DOCK8: variants seen among roughly 807,000 people sequenced by gnomAD.
DOCK8 encodes the protein dedicator of cytokinesis 8, also known as dedicator of cytokinesis protein 8.
In DOCK8, 141 loss-of-function variants were observed where a neutral mutation model predicts 245.6. The observed-to-expected ratio is 0.57, with a 90% confidence interval of 0.50 to 0.66. The LOEUF (loss-of-function observed/expected upper bound fraction) is 0.66. DOCK8 is among the 30% of genes least tolerant of loss of function. The probability of loss-of-function intolerance (pLI) is 0.00; values close to 1 mark genes in which losing one functional copy is unlikely to be tolerated. For missense variants in DOCK8, 2,965 were observed against 2,603.4 expected (o/e 1.14, Z -3.02); for synonymous variants, 1,168 against 970.2 (o/e 1.20, Z -3.79).
Position 465,150 on chromosome 9 carries a change from T to C in DOCK8, c.*931T>C, listed in dbSNP as rs1301348224. The C allele has an allele frequency of 6.6e-6, 1 of 152,638 alleles. No individual in the cohort carries two copies. Among genetic ancestry groups the C allele is most frequent in the African/African-American group, 2.4e-5 (1 of 41,462 alleles). The allele number at this position is 152,638 out of a possible 1,614,324, so 9.5% of individuals were successfully genotyped here. A position where few individuals can be genotyped will look rare whatever the true frequency, so the allele number is the denominator to read the frequency against. ...TTTGACTTCTTTTGACAAAGGACTT[T>C]AGGAAAAAGAGGAACAAAGACATTA... On this transcript the variant is annotated 3_prime_UTR_variant, in exon 48 of 48. Coordinates refer to ENST00000432829, the MANE Select transcript of DOCK8 (RefSeq NM_203447.4).
chr9:337,306 G>A (rs555088540), intron 12 of DOCK8, among the ~76,000 whole-genome samples: 312 of 152,308 alleles, frequency 2.0e-3, no homozygotes, highest in Non-Finnish European at 3.7e-3. Flanking sequence ...TAGCAGGAAG[G>A]TCAGGTGACA....
chr9:313,665 G>A (rs186996201), intron 6 of DOCK8, among the ~76,000 whole-genome samples: 11 of 152,304 alleles, frequency 7.2e-5, no homozygotes, highest in African/African-American at 2.4e-4. Flanking sequence ...GGAGGAATAC[G>A]TTTTAGTGAC....
Position 463,656 on chromosome 9 carries a change from A to C in DOCK8, c.6208A>C (p.Lys2070Gln), listed in dbSNP as rs1415934979. ...CGAGCGGAAAATTCCAGAACTGTAC[A>C]AGCCAATATTCAGAGTTGAGAGTCA... ...MIERKIPELY[K>Q]PIFRVESQKR... The change falls in exon 47 of 48, where the codon AAG becomes CAG. Residue 2070 changes from lysine (K) to glutamine (Q), a missense_variant. By Grantham distance (53) the Lys-to-Gln change is moderately conservative. Around this residue, in one of 3 missense-constraint regions of DOCK8, gnomAD observed 134 missense variants for 128.1 expected, o/e 1.05. Transcript: ENST00000432829. The C allele has an allele frequency of 1.9e-6, 3 of 1,613,850 alleles. No individual in the cohort carries two copies. Among genetic ancestry groups the C allele is most frequent in the Non-Finnish European group, 2.5e-6 (3 of 1,180,030 alleles).
intron 1 of DOCK8, among the ~76,000 whole-genome samples, chr9:248,695 G>C (rs970410693): frequency 6.6e-6 from 1 of 151,938 alleles, no homozygotes; most frequent in African/African-American, 2.4e-5. Context: ...GCCACCTTTA[G>C]ATTCTCCACC....
intron 26 of DOCK8, among the ~76,000 whole-genome samples, chr9:400,215 T>C (rs147952503): frequency 0.19 from 2,653 of 13,964 alleles, 23 homozygotes; most frequent in Non-Finnish European, 0.2. Context: ...CCACCTCCAC[T>C]ATCACCACCA....
At chr9:379,191 T>C (rs942907529) in intron 20 of DOCK8, among the ~76,000 whole-genome samples, 3 of 152,174 alleles carry the variant, frequency 2.0e-5, no homozygotes, top group African/African-American at 7.2e-5. Flanking sequence ...AGCCAAACTA[T>C]AGAGGCTTAG....
intron 1 of DOCK8, among the ~76,000 whole-genome samples, chr9:236,192 A>G (rs2047243929): frequency 6.6e-6 from 1 of 152,020 alleles, no homozygotes; most frequent in African/African-American, 2.4e-5. Flanking sequence ...TTTCATCCTT[A>G]TGGTCACAGG....
At position 418,078 on chromosome 9, in the gene DOCK8, T is replaced by A; in HGVS notation, c.3711T>A (p.Thr1237=). The change falls in exon 30 of 48, where the codon ACT becomes ACA. Residue 1237 remains threonine (T), a synonymous_variant. Transcript: ENST00000432829. The part of the protein sequence containing the change: ...PQLCDFTVAD[T]RRYRTSGSDE... ...ATGTTTTCATTGCAGTTGCAGATAC[T>A]CGCAGATACCGCACCAGTGGCTCGG... The A allele has an allele frequency of 6.2e-7, 1 of 1,614,210 alleles. No individual in the cohort carries two copies. Among genetic ancestry groups the A allele is most frequent in the Non-Finnish European group, 8.5e-7 (1 of 1,180,028 alleles).
chr9:436,354 T>C (rs1002788955), intron 39 of DOCK8, among the ~76,000 whole-genome samples: 2 of 152,268 alleles, frequency 1.3e-5, no homozygotes, highest in African/African-American at 4.8e-5. Flanking sequence ...ACAAGAAAGT[T>C]ATAAAAGTTA....
At chr9:225,955 G>T (rs910155510) in intron 1 of DOCK8, among the ~76,000 whole-genome samples, 5 of 152,128 alleles carry the variant, frequency 3.3e-5, no homozygotes, top group African/African-American at 1.2e-4. Context: ...GGGAGAGGAG[G>T]AGAGCTGAAG....
At chr9:405,967 C>G (rs1055858579) in intron 27 of DOCK8, among the ~76,000 whole-genome samples, 1 of 152,196 alleles carries the variant, frequency 6.6e-6, no homozygotes, top group Non-Finnish European at 1.5e-5. Flanking sequence ...TCTTTCCCAC[C>G]TTCCCCTTCT....
At chr9:373,066 C>T (rs1276371711) in intron 18 of DOCK8, among the ~76,000 whole-genome samples, 3 of 152,272 alleles carry the variant, frequency 2.0e-5, no homozygotes, top group African/African-American at 7.2e-5. Context: ...ACTCGGGAGG[C>T]TGAGGCAGGA....
chr9:266,914 G>C (rs2048046699), intron 1 of DOCK8, among the ~76,000 whole-genome samples: 1 of 152,110 alleles, frequency 6.6e-6, no homozygotes, highest in South Asian at 2.1e-4. Flanking sequence ...GTCAAATTTG[G>C]TCTAAGAATC....
At chr9:311,865 T>G in intron 5 of DOCK8, 89 bp from the exon 6 acceptor site, 18 of 1,516,132 alleles carry the variant, frequency 1.2e-5, no homozygotes, top group Non-Finnish European at 1.6e-5. Context: ...TAGTCCCAAA[T>G]TGGAGCAGTC....
intron 46 of DOCK8, 34 bp downstream of exon 46, chr9:452,151 G>A (rs1293006851): frequency 7.2e-7 from 1 of 1,398,426 alleles, no homozygotes; most frequent in African/African-American, 1.4e-5. Context: ...TTTCAGTAGA[G>A]CAGTGGTTCT....
Position 464,177 on chromosome 9 carries a change from T to C in DOCK8, c.6258T>C (p.Ser2086=). The C allele has an allele frequency of 6.2e-7, 1 of 1,613,890 alleles. No homozygotes were observed. Among genetic ancestry groups the C allele is most frequent in the Middle Eastern group, 1.6e-4 (1 of 6,062 alleles). The change falls in exon 48 of 48, where the codon TCT becomes TCC. Residue 2086 remains serine, a synonymous_variant. Coordinates refer to ENST00000432829, the MANE Select transcript of DOCK8 (RefSeq NM_203447.4). The stretch of plus-strand genomic sequence containing the variant: ...ATTTCAGGGACTCCTTCCACAGATC[T>C]AGTTTCAGGAAATGTGAAACCCAGT... ...ESQKRDSFHR[S]SFRKCETQLS...
At chr9:225,862 C>T (rs926686430) in intron 1 of DOCK8, among the ~76,000 whole-genome samples, 5 of 151,970 alleles carry the variant, frequency 3.3e-5, no homozygotes, top group South Asian at 2.1e-4. Context: ...AGGGGAATGA[C>T]GAAGCACATG....
Position 215,342 on chromosome 9 carries a change from A to G in DOCK8, c.53+313A>G, listed in dbSNP as rs202028814. On this transcript the variant is annotated intron_variant, in intron 1 of 47. Coordinates refer to ENST00000432829, the MANE Select transcript of DOCK8 (RefSeq NM_203447.4). Reference sequence around the variant, plus strand: ...AGGTTCTTACAGGTGGCCGGGTCCCAGAAGGGTGATAGGCGCCTGGGTAAC... The same window carrying G: ...AGGTTCTTACAGGTGGCCGGGTCCCGGAAGGGTGATAGGCGCCTGGGTAAC... The G allele has an allele frequency of 8.1e-6, 13 of 1,602,468 alleles. No homozygotes were observed. In the East Asian group the frequency reaches 2.8e-4, roughly 34 times the overall value.
At chr9:282,587 T>TG (rs1438916851) in intron 2 of DOCK8, among the ~76,000 whole-genome samples, 1 of 146,654 alleles carries the variant, frequency 6.8e-6, no homozygotes, top group Non-Finnish European at 1.5e-5. Flanking sequence ...CCCATCTAAC[T>TG]TTAAAAAAAA....
Sources: allele counts gnomAD v4.1 joint callset (sites outside exome capture counted in the v4.1 genomes callset), GRCh38; gene constraint gnomAD v4.1.1; regional missense constraint gnomAD v4.1.1; transcripts MANE v1.5; gene names NCBI Gene and HGNC (gene_info 2026-07-23, HGNC 2026-07-21).